NDUFAF2: variants seen among roughly 807,000 people sequenced by gnomAD.
The protein encoded by NDUFAF2 is NADH:ubiquinone oxidoreductase complex assembly factor 2.
A neutral mutation model predicts 22.8 loss-of-function variants in NDUFAF2; 13 were observed. The observed-to-expected ratio is 0.57, with a 90% CI of 0.37 to 0.91. The LOEUF (loss-of-function observed/expected upper bound fraction) is 0.91, where lower values mean the gene tolerates loss of function less well. NDUFAF2 is among the 40% of genes least tolerant of loss of function. NDUFAF2 has a pLI of 0.01. For synonymous variants in NDUFAF2, 53 were observed against 64.2 expected (o/e 0.83, Z 0.84); for missense variants, 162 against 195.2 (o/e 0.83, Z 1.01).
intron 1 of NDUFAF2, among the ~76,000 whole-genome samples, chr5:61,043,699 G>GTGTA (rs1554081013): frequency 1.2e-4 from 18 of 148,564 alleles, no homozygotes; most frequent in Non-Finnish European, 2.3e-4. Flanking sequence ...GTGTGTGTGT[G>GTGTA]TGTATGTGTG....
At chr5:61,131,975 C>T (rs1365316160) in intron 3 of NDUFAF2, among the ~76,000 whole-genome samples, 2 of 152,140 alleles carry the variant, frequency 1.3e-5, no homozygotes, top group East Asian at 3.9e-4. Flanking sequence ...GAGAAAAGAA[C>T]ATTCTGAAGG....
chr5:60,954,192 A>T (rs934055584), intron 1 of NDUFAF2, among the ~76,000 whole-genome samples: 3 of 152,066 alleles, frequency 2.0e-5, no homozygotes, highest in Non-Finnish European at 4.4e-5. Flanking sequence ...ATAGCCAAAG[A>T]CCTATGATGT....
At chr5:61,032,121 T>C (rs1580103896) in intron 1 of NDUFAF2, among the ~76,000 whole-genome samples, 1 of 152,212 alleles carries the variant, frequency 6.6e-6, no homozygotes, top group East Asian at 1.9e-4. Flanking sequence ...AGATTCTGGT[T>C]ATTAGACCTT....
Position 61,082,274 on chromosome 5 carries a change from T to C in NDUFAF2, c.217+9060T>C, listed in dbSNP as rs79691046. On this transcript the variant is annotated intron_variant, in intron 2 of 3. Transcript: ENST00000296597. ...GCCAAGAGTGTACATATATACTTTATTTTTTAGAGATGGGGATCTTGCTCT... is the reference window on the plus strand; with the variant it reads ...GCCAAGAGTGTACATATATACTTTACTTTTTAGAGATGGGGATCTTGCTCT... 8.7e-3 allele frequency among the ~76,000 whole-genome samples: 1,328 copies of C among 152,236 alleles called. 22 individuals are homozygous for C. The highest frequency in any genetic ancestry group is 0.031 in the African/African-American group (1,272 of 41,550).
intron 1 of NDUFAF2, among the ~76,000 whole-genome samples, chr5:60,959,301 C>T (rs1750655008): frequency 6.6e-6 from 1 of 151,982 alleles, no homozygotes; most frequent in South Asian, 2.1e-4. Context: ...TTTAGATTCA[C>T]TGTTAAATTT....
intron 1 of NDUFAF2, among the ~76,000 whole-genome samples, chr5:61,049,903 A>ACACACC (rs1221795720): frequency 1.3e-5 from 2 of 151,434 alleles, no homozygotes; most frequent in Non-Finnish European, 2.9e-5. Context: ...ACACACACAC[A>ACACACC]CACACACACA....
chr5:60,984,188 T>A (rs1751034112), intron 1 of NDUFAF2, among the ~76,000 whole-genome samples: 2 of 152,164 alleles, frequency 1.3e-5, no homozygotes, highest in Admixed American at 6.5e-5. Flanking sequence ...TCATTCATGA[T>A]TTGGCTGTTT....
intron 1 of NDUFAF2, among the ~76,000 whole-genome samples, chr5:61,003,316 A>G (rs1025649601): frequency 1.3e-5 from 2 of 152,102 alleles, no homozygotes; most frequent in African/African-American, 4.8e-5. Flanking sequence ...TAACTCTTAT[A>G]ATTCTAAGAA....
chr5:61,076,132 G>C (rs770008629), intron 2 of NDUFAF2, among the ~76,000 whole-genome samples: 7 of 152,094 alleles, frequency 4.6e-5, no homozygotes, highest in Admixed American at 2.0e-4. Flanking sequence ...GTGCAGTGGC[G>C]CGATCTTGGC....
chr5:61,060,706 A>G (rs1005835644), intron 1 of NDUFAF2, among the ~76,000 whole-genome samples: 26 of 152,120 alleles, frequency 1.7e-4, no homozygotes, highest in African/African-American at 6.3e-4. Context: ...AGTCACCTCC[A>G]AATTCCACTT....
At chr5:61,056,367 T>C (rs1381773802) in intron 1 of NDUFAF2, among the ~76,000 whole-genome samples, 1 of 152,116 alleles carries the variant, frequency 6.6e-6, no homozygotes, top group Non-Finnish European at 1.5e-5. Context: ...TAGGTAAAAA[T>C]TGCAAGATTA....
intron 2 of NDUFAF2, among the ~76,000 whole-genome samples, chr5:61,078,638 G>C (rs1312722772): frequency 6.6e-6 from 1 of 152,098 alleles, no homozygotes; most frequent in African/African-American, 2.4e-5. Flanking sequence ...CTATTCAGGG[G>C]GCTGAGGTGG....
intron 2 of NDUFAF2, among the ~76,000 whole-genome samples, chr5:61,091,093 A>G (rs896659211): frequency 3.9e-5 from 6 of 152,058 alleles, no homozygotes; most frequent in Non-Finnish European, 7.4e-5. Flanking sequence ...ATCGCTGATG[A>G]ACATTCAGGT....
chr5:61,050,008 T>C (rs566526998), intron 1 of NDUFAF2, among the ~76,000 whole-genome samples: 1 of 152,180 alleles, frequency 6.6e-6, no homozygotes, highest in South Asian at 2.1e-4. Context: ...TTTTGGCCAT[T>C]GTGAATAATG....
At chr5:61,001,414 C>A (rs916175163) in intron 1 of NDUFAF2, among the ~76,000 whole-genome samples, 3 of 152,074 alleles carry the variant, frequency 2.0e-5, no homozygotes, top group Non-Finnish European at 4.4e-5. Context: ...AGATTGTGCA[C>A]CAATGTATAT....
chr5:61,035,128 G>A (rs945699774), intron 1 of NDUFAF2, among the ~76,000 whole-genome samples: 1 of 151,034 alleles, frequency 6.6e-6, no homozygotes, highest in African/African-American at 2.4e-5. Flanking sequence ...GTGCAGTGGC[G>A]TGATCTCAGC....
intron 1 of NDUFAF2, among the ~76,000 whole-genome samples, chr5:60,972,522 T>G (rs1011101475): frequency 6.6e-6 from 1 of 152,140 alleles, no homozygotes; most frequent in Non-Finnish European, 1.5e-5. Flanking sequence ...TGATTATATC[T>G]TTTCTGAGGC....
chr5:61,124,311 A>G (rs1005095237), intron 3 of NDUFAF2, among the ~76,000 whole-genome samples: 1 of 151,734 alleles, frequency 6.6e-6, no homozygotes, highest in African/African-American at 2.4e-5. Flanking sequence ...ATTCATTTTT[A>G]CTCTTTACTT....
At chr5:60,950,851 C>T (rs1750535211) in intron 1 of NDUFAF2, among the ~76,000 whole-genome samples, 1 of 152,118 alleles carries the variant, frequency 6.6e-6, no homozygotes, top group Non-Finnish European at 1.5e-5. Flanking sequence ...TCCCTTCCTG[C>T]TACCAAACCC....
Sources: gnomAD v4.1 joint callset for allele counts (sites outside exome capture counted in the v4.1 genomes callset) on GRCh38, gnomAD v4.1.1 for gene constraint, MANE v1.5 for transcripts, NCBI Gene and HGNC (gene_info 2026-07-23, HGNC 2026-07-21) for gene names.